Variants in PLA2G6 observed in about 807,000 individuals in gnomAD.
PLA2G6 encodes the protein 85/88 kDa calcium-independent phospholipase A2.
In PLA2G6, 62 loss-of-function variants were observed where a neutral mutation model predicts 83.8. The observed-to-expected ratio is 0.74, with a 90% CI of 0.60 to 0.91. PLA2G6 has a LOEUF of 0.91. PLA2G6 is among the 40% of genes least tolerant of loss of function. The pLI, the probability that PLA2G6 is intolerant of heterozygous loss-of-function variation, is 0.00. For synonymous variants in PLA2G6, 417 were observed against 449.8 expected, an observed-to-expected ratio of 0.93 and a Z score of 0.92; for missense variants, 944 against 1,102.0, an observed-to-expected ratio of 0.86 and a Z score of 2.03.
At chr22:38,139,415 T>TTTATTTA (rs2088752755) in intron 5 of PLA2G6, 6 of 147,414 alleles carry the variant, frequency 4.1e-5, no homozygotes, top group South Asian at 4.3e-4. Flanking sequence ...ATAAATTTAT[T>TTTATTTA]TTTATTTATT....
chr22:38,131,458 TATAG>T (rs888596211), intron 7 of PLA2G6: 3 of 152,170 alleles, frequency 2.0e-5, no homozygotes, highest in African/African-American at 4.8e-5. Flanking sequence ...AAATGGTAAA[TATAG>T]ATAAAGAAAA....
At chr22:38,148,557 T>C (rs982066140) in intron 2 of PLA2G6, 1 of 717,214 alleles carries the variant, frequency 1.4e-6, no homozygotes, top group Admixed American at 2.0e-5. Flanking sequence ...CTGGAGAGGA[T>C]GGGCAGACGA....
chr22:38,169,517 G>T, intron 1 of PLA2G6, 46 bp from the exon 2 acceptor site: 1 of 1,085,508 alleles, frequency 9.2e-7, no homozygotes. Context: ...AGTCTCCCAT[G>T]CCCATCTCAC....
chr22:38,113,700 T>C (rs773844860), intron 14 of PLA2G6, 46 bp from the exon 15 acceptor site: 4 of 1,587,966 alleles, frequency 2.5e-6, no homozygotes, highest in African/African-American at 1.3e-5. Flanking sequence ...CTTCCACAGG[T>C]AGGGGGCACG....
chr22:38,168,896 TC>T (rs761359680), intron 2 of PLA2G6, among the ~76,000 whole-genome samples: 27 of 152,178 alleles, frequency 1.8e-4, no homozygotes, highest in Non-Finnish European at 3.1e-4. Flanking sequence ...CTAAAGGTTC[TC>T]CCCATGGGCC....
chr22:38,132,585 C>A lies in PLA2G6; in HGVS notation c.1077+246G>T. 1 of 575,434 alleles carries A rather than the reference C, an allele frequency of 1.7e-6. No individual in the cohort carries two copies. The highest frequency in any genetic ancestry group is 3.1e-6 in the Non-Finnish European group (1 of 321,780). 35.6% of individuals were successfully genotyped at this position (575,434 alleles called of 1,614,324 possible). A position where few individuals can be genotyped will look rare whatever the true frequency, so the allele number is the denominator to read the frequency against. ...TTTTCCCTCTCGTGCCATGCAAGTG[C>A]CAAATGGGGGCACAGGTGGAAAAGG... is the stretch of plus-strand genomic sequence containing the variant. On this transcript the variant is annotated intron_variant, in intron 7 of 16. Transcript: ENST00000332509. The surrounding 1 kb of genome is among the most constrained non-coding windows in gnomAD (Gnocchi z 5.0).
chr22:38,159,923 C>G (rs918239573), intron 2 of PLA2G6, among the ~76,000 whole-genome samples: 2 of 152,098 alleles, frequency 1.3e-5, no homozygotes, highest in Non-Finnish European at 2.9e-5. Context: ...TCAATAGATA[C>G]CATTAAAAGA....
chr22:38,115,245 C>T lies in PLA2G6; in HGVS notation c.2034+282G>A, dbSNP rs551731697. Among the ~76,000 whole-genome samples, 3 of 152,330 alleles carry T rather than the reference C, an allele frequency of 2.0e-5. No individual in the cohort carries two copies. The East Asian group carries it at 5.8e-4, about 29-fold the overall frequency. On this transcript the variant is annotated intron_variant, in intron 14 of 16. Coordinates refer to ENST00000332509, the MANE Select transcript of PLA2G6 (RefSeq NM_003560.4). ...CAAGGGCAAGCATGTGTCCTGTCCC[C>T]AGGCTGGCTCGAGTGGCACGTTCAT...
chr22:38,145,470 G>T lies in PLA2G6; in HGVS notation c.393C>A (p.Ile131=), dbSNP rs1246478502. The part of the protein sequence containing the change: ...SVAHLAVELG[I]RECFHHSRII... ...TACGGCTGTGATGGAAGCACTCGCG[G>T]ATCCCTAGCTCCACAGCCAGGTGGG... is the stretch of plus-strand genomic sequence containing the variant. Residue 131 remains isoleucine, a synonymous_variant, in exon 3 of 17, where the codon ATC becomes ATA. Coordinates refer to ENST00000332509, the MANE Select transcript of PLA2G6 (RefSeq NM_003560.4). 1.2e-6 allele frequency: 2 copies of T among 1,611,394 alleles called. No homozygotes were observed. The highest frequency in any genetic ancestry group is 1.7e-6 in the Non-Finnish European group (2 of 1,179,298).
intron 4 of PLA2G6, 64 bp from the exon 5 acceptor site, chr22:38,140,233 C>T (rs548447808): frequency 8.1e-6 from 12 of 1,481,482 alleles, no homozygotes; most frequent in African/African-American, 6.9e-5. Context: ...AGAGGCCGGG[C>T]GCAGTGGCTC....
intron 11 of PLA2G6, among the ~76,000 whole-genome samples, chr22:38,122,109 A>G (rs1348111005): frequency 6.6e-6 from 1 of 151,970 alleles, no homozygotes; most frequent in Non-Finnish European, 1.5e-5. Flanking sequence ...GGACTGGCTG[A>G]GCCCCCTGCT....
chr22:38,180,944 C>CT (rs1016358882), intron 1 of PLA2G6, among the ~76,000 whole-genome samples: 1 of 152,200 alleles, frequency 6.6e-6, no homozygotes, highest in African/African-American at 2.4e-5. Flanking sequence ...GCCTGACATC[C>CT]TGTTGGGCGG....
intron 6 of PLA2G6, 160 bp from the exon 7 acceptor site, chr22:38,133,173 G>A (rs1488346527): frequency 2.9e-6 from 2 of 684,454 alleles, no homozygotes; most frequent in Non-Finnish European, 5.0e-6. Flanking sequence ...AGTTCTAGGG[G>A]GGCCTAGACT....
Position 38,168,014 on chromosome 22 carries a change from C to G in PLA2G6, c.209+1204G>C, listed in dbSNP as rs1042177356. Reference sequence around the variant, plus strand: ...TCCATTTTGTTCTGCCACACAGGCTCCTCCTCACTCTTCCAGACGCAGAGT... The same window carrying G: ...TCCATTTTGTTCTGCCACACAGGCTGCTCCTCACTCTTCCAGACGCAGAGT... On this transcript the variant is annotated intron_variant, in intron 2 of 16. Coordinates refer to ENST00000332509, the MANE Select transcript of PLA2G6 (RefSeq NM_003560.4). The G allele has an allele frequency of 5.3e-5, 9 of 169,614 alleles. No homozygotes were observed. The Admixed American group carries it at 5.9e-4, about 11-fold the overall frequency. 10.5% of individuals were successfully genotyped at this position (169,614 alleles called of 1,614,324 possible).
chr22:38,140,561 G>T, intron 4 of PLA2G6: 1 of 267,226 alleles, frequency 3.7e-6, no homozygotes, highest in Non-Finnish European at 7.4e-6. Context: ...CAGTGTGGAT[G>T]GGAGGGAAGG....
chr22:38,136,101 T>TA (rs2088537233), intron 5 of PLA2G6: 1 of 152,216 alleles, frequency 6.6e-6, no homozygotes, highest in Middle Eastern at 3.2e-3. Context: ...ATTTCACTGA[T>TA]ACGAGGTTCT....
intron 1 of PLA2G6, among the ~76,000 whole-genome samples, chr22:38,174,212 T>C (rs5756946): frequency 0.31 from 46,529 of 151,636 alleles, 8,082 homozygotes; most frequent in South Asian, 0.44. Flanking sequence ...CTGGCTAACA[T>C]GGTGAAACCC....
intron 9 of PLA2G6, 73 bp from the exon 10 acceptor site, chr22:38,126,522 T>C (rs951249843): frequency 3.4e-5 from 39 of 1,145,924 alleles, no homozygotes; most frequent in African/African-American, 4.5e-5. Flanking sequence ...GGTCCCTAGA[T>C]CAAACCTGGG....
intron 2 of PLA2G6, chr22:38,148,284 G>A: frequency 1.9e-6 from 1 of 519,184 alleles, no homozygotes; most frequent in South Asian, 2.1e-5. Context: ...AGCAAATAAA[G>A]GAAAGGATAG....
Sources: allele counts gnomAD v4.1 joint callset (sites outside exome capture counted in the v4.1 genomes callset), GRCh38; gene constraint gnomAD v4.1.1; non-coding constraint Gnocchi (gnomAD v3.1); transcripts MANE v1.5; gene names NCBI Gene and HGNC (gene_info 2026-07-23, HGNC 2026-07-21).